MTCL1: variants seen among roughly 807,000 people sequenced by gnomAD.
MTCL1 encodes the protein microtubule cross-linking factor 1.
MTCL1 carries 79 observed loss-of-function variants against 141.4 expected under a neutral mutation model. The ratio of observed to expected loss-of-function variants is 0.56; its 90% CI spans 0.47 to 0.67. MTCL1 has a LOEUF of 0.67. MTCL1 is among the 30% of genes least tolerant of loss of function. The probability of loss-of-function intolerance (pLI) is 0.00; values close to 1 mark genes in which losing one functional copy is unlikely to be tolerated. For missense variants in MTCL1, 2,177 were observed against 2,113.9 expected, an observed-to-expected ratio of 1.03 and a Z score of -0.59; for synonymous variants, 914 against 875.8, an observed-to-expected ratio of 1.04 and a Z score of -0.77.
intron 14 of MTCL1, among the ~76,000 whole-genome samples, chr18:8,824,294 T>C (rs2076941061): frequency 6.6e-6 from 1 of 152,238 alleles, no homozygotes; most frequent in South Asian, 2.1e-4. Flanking sequence ...GTCCATCAGG[T>C]GGCAGCTTGC....
intron 11 of MTCL1, chr18:8,809,767 A>G: frequency 1.4e-6 from 1 of 715,026 alleles, no homozygotes; most frequent in Non-Finnish European, 2.2e-6. Flanking sequence ...GAACGCAGAG[A>G]GACAACCAGT....
exon 8 of MTCL1, chr18:8,793,068 C>A (rs550231402): frequency 6.2e-7 from 1 of 1,614,106 alleles, no homozygotes; most frequent in Non-Finnish European, 8.5e-7. Flanking sequence ...CTCGTGCAGG[C>A]GGCCAGACTG....
chr18:8,794,064 A>G (rs2075827689), intron 8 of MTCL1, among the ~76,000 whole-genome samples: 1 of 152,200 alleles, frequency 6.6e-6, no homozygotes, highest in Non-Finnish European at 1.5e-5. Flanking sequence ...TTCTACCACT[A>G]CATGTATGAC....
chr18:8,824,704 T>G, exon 15 of MTCL1: 1 of 1,609,812 alleles, frequency 6.2e-7, no homozygotes. Flanking sequence ...CCCAGGGCGG[T>G]GTCCGTGTCC....
At chr18:8,764,196 T>G (rs1323909217) in intron 4 of MTCL1, among the ~76,000 whole-genome samples, 1 of 152,278 alleles carries the variant, frequency 6.6e-6, no homozygotes, top group African/African-American at 2.4e-5. Context: ...GACTTGAAAA[T>G]ATTAAACAAG....
rs1295026517 is a variant in MTCL1 at position 8,802,723 on chromosome 18, C to T, written c.2437-4170C>T. ...CTCAAGAGAGCTGAGCTAGGTGAGG[C>T]TGTAATGCCCTTAGGTGGAGGAGAG... On this transcript the variant is annotated intron_variant, in intron 10 of 16. Coordinates refer to ENST00000359865, the Ensembl canonical transcript of MTCL1. Among the ~76,000 whole-genome samples, 9 of 152,272 alleles carry T rather than the reference C, an allele frequency of 5.9e-5. No homozygotes were observed. In the East Asian group the frequency reaches 1.7e-3, roughly 29 times the overall value.
In MTCL1 at chr18:8,821,727, G is replaced by A. The variant is rs145625534; in HGVS notation, c.3188+229G>A. Among the ~76,000 whole-genome samples the A allele has an allele frequency of 1.8e-3, 271 of 152,264 alleles. 2 individuals are homozygous for A. The highest frequency in any genetic ancestry group is 6.4e-3 in the African/African-American group (264 of 41,554). On this transcript the variant is annotated intron_variant, in intron 14 of 16. Coordinates refer to ENST00000359865, the Ensembl canonical transcript of MTCL1. ...ACATGTGTATGAGTTTTATGGTAAG[G>A]ACTTTCCAGTTGTTGTTGTGTTATG... is the stretch of plus-strand genomic sequence containing the variant.
intron 7 of MTCL1, 116 bp from the exon 7 acceptor site, chr18:8,792,882 A>T: frequency 2.1e-6 from 3 of 1,422,574 alleles, no homozygotes; most frequent in Non-Finnish European, 2.9e-6. Context: ...TGCAGTGCCC[A>T]CACATGCTGT....
At chr18:8,721,443 TAACAA>T (rs1160686843) in intron 4 of MTCL1, among the ~76,000 whole-genome samples, 2 of 151,974 alleles carry the variant, frequency 1.3e-5, no homozygotes, top group African/African-American at 4.8e-5. Context: ...GGCCCACAGA[TAACAA>T]AACAAACAAA....
chr18:8,706,617 C>G (rs1160302950), exon 1 of MTCL1: 1 of 1,539,756 alleles, frequency 6.5e-7, no homozygotes, highest in African/African-American at 1.4e-5. Context: ...CCAAGGAGCC[C>G]AGCCTGGGCG....
exon 15 of MTCL1, chr18:8,826,085 G>GTAC (rs770176492): frequency 6.2e-7 from 1 of 1,610,620 alleles, no homozygotes; most frequent in South Asian, 1.1e-5. Flanking sequence ...CTGGCTACAC[G>GTAC]CTCACTGAGA....
rs559362563 is a variant in MTCL1, at chr18:8,747,882, C to T, written c.357+27386C>T. Among the ~76,000 whole-genome samples the T allele has an allele frequency of 7.9e-5, 12 of 152,294 alleles. No homozygotes were observed. In the East Asian group the frequency reaches 2.3e-3, roughly 29 times the overall value. ...CTGAGTGGCTCCAGATGGATAGCCT[C>T]AGCAGCCCTGCACAGGCTCCTGTCC... On this transcript the variant is annotated intron_variant, in intron 4 of 16. Transcript: ENST00000359865.
At chr18:8,831,945 G>A in exon 17 of MTCL1, 1 of 961,888 alleles carries the variant, frequency 1.0e-6, no homozygotes, top group Non-Finnish European at 1.5e-6. Flanking sequence ...GCTGCTGAAT[G>A]TTCAACCTGT....
intron 4 of MTCL1, among the ~76,000 whole-genome samples, chr18:8,721,915 A>G (rs1238455989): frequency 6.6e-6 from 1 of 152,114 alleles, no homozygotes; most frequent in Non-Finnish European, 1.5e-5. Context: ...GGAGGAGTGA[A>G]TGAAGGGGGC....
At chr18:8,788,684 C>T (rs1355327441) in intron 7 of MTCL1, among the ~76,000 whole-genome samples, 1 of 152,146 alleles carries the variant, frequency 6.6e-6, no homozygotes, top group African/African-American at 2.4e-5. Flanking sequence ...GTGGAGGAGC[C>T]CTGCTGCTCA....
chr18:8,820,270 C>T (rs1299704518), intron 13 of MTCL1, among the ~76,000 whole-genome samples: 2 of 151,932 alleles, frequency 1.3e-5, no homozygotes, highest in African/African-American at 2.4e-5. Context: ...ATTAGCCAGG[C>T]GTGGTGGCGG....
intron 10 of MTCL1, 45 bp from the exon 10 acceptor site, chr18:8,806,848 A>G: frequency 6.3e-6 from 10 of 1,595,092 alleles, no homozygotes; most frequent in African/African-American, 1.3e-5. Flanking sequence ...GACCTAAAAA[A>G]TACGCTTAAA....
chr18:8,748,385 A>G (rs998235286), intron 4 of MTCL1, among the ~76,000 whole-genome samples: 10 of 152,126 alleles, frequency 6.6e-5, no homozygotes, highest in African/African-American at 2.4e-4. Flanking sequence ...CTCTACCAAA[A>G]TTTAAAAATT....
chr18:8,730,150 A>G (rs2096242890), intron 4 of MTCL1, among the ~76,000 whole-genome samples: 1 of 152,032 alleles, frequency 6.6e-6, no homozygotes, highest in East Asian at 1.9e-4. Context: ...GCTCTGTTCC[A>G]TTGATCTCTG....
Sources: allele counts gnomAD v4.1 joint callset (sites outside exome capture counted in the v4.1 genomes callset), GRCh38; gene constraint gnomAD v4.1.1; transcripts MANE v1.5; gene names NCBI Gene and HGNC (gene_info 2026-07-23, HGNC 2026-07-21).